Variants in RASA1 observed in about 807,000 individuals in gnomAD.
The protein encoded by RASA1 is RAS p21 protein activator 1.
RASA1 carries 25 observed loss-of-function variants against 132.2 expected under a neutral mutation model. The ratio of observed to expected loss-of-function variants is 0.19; its 90% confidence interval spans 0.14 to 0.26. The LOEUF (loss-of-function observed/expected upper bound fraction) is 0.26, where lower values mean the gene tolerates loss of function less well. Ranked by LOEUF, RASA1 falls within the 10% of genes least tolerant of loss-of-function variation. RASA1 has a pLI of 1.00. For synonymous variants in RASA1, 477 were observed against 449.9 expected (o/e 1.06, Z -0.76); for missense variants, 964 against 1,299.2 (o/e 0.74, Z 3.97).
At chr5:87,313,970 C>G (rs1756120555) in intron 1 of RASA1, among the ~76,000 whole-genome samples, 1 of 151,822 alleles carries the variant, frequency 6.6e-6, no homozygotes, top group South Asian at 2.1e-4. Flanking sequence ...GAGTTTGAGA[C>G]TACCCTGACC....
chr5:87,346,709 A>G lies in RASA1; in HGVS notation c.1087A>G (p.Asn363Asp). The G allele has an allele frequency of 4.5e-6, 7 of 1,551,666 alleles. No individual in the cohort carries two copies. In the South Asian group the frequency reaches 7.8e-5, roughly 17 times the overall value. ...HGKISKQEAY[N>D]LLMTVGQVCS... ...GAAGATTTCCAAACAGGAAGCTTAT[A>G]ATTTACTAATGACAGGTACTTACAT... The change falls in exon 7 of 25, where the codon AAT becomes GAT. Residue 363 changes from asparagine to aspartate, a missense_variant. Around this residue, in one of 6 missense-constraint regions of RASA1, gnomAD observed 154 missense variants for 286.5 expected, o/e 0.54. Transcript: ENST00000274376.
At position 87,286,827 on chromosome 5, in the gene RASA1, C is replaced by CAT. The variant is rs112394164; in HGVS notation, c.539+17847_539+17848dup. Among the ~76,000 whole-genome samples, 641 of 150,392 alleles carry CAT rather than the reference C, an allele frequency of 4.3e-3. 1 individual carries two copies. The highest frequency in any genetic ancestry group is 0.013 in the African/African-American group (530 of 40,886). ...ATAAACGTATACACACACACACTCA[C>CAT]ATATATATATACCATATATATATAC... On this transcript the variant is annotated intron_variant, in intron 1 of 24. Coordinates refer to ENST00000274376, the MANE Select transcript of RASA1 (RefSeq NM_002890.3).
chr5:87,357,704 CAAAA>C (rs5869396), intron 9 of RASA1, among the ~76,000 whole-genome samples: 2 of 149,894 alleles, frequency 1.3e-5, no homozygotes, highest in Admixed American at 1.3e-4. Context: ...GATTCCATCT[CAAAA>C]AAAAAGAAAA....
At chr5:87,280,344 G>C (rs529218564) in intron 1 of RASA1, among the ~76,000 whole-genome samples, 6 of 150,888 alleles carry the variant, frequency 4.0e-5, no homozygotes, top group Non-Finnish European at 8.9e-5. Flanking sequence ...ACAGTGTCTT[G>C]CTCTGTTGCC....
At chr5:87,372,843 C>T (rs544577649) in intron 13 of RASA1, among the ~76,000 whole-genome samples, 3 of 152,220 alleles carry the variant, frequency 2.0e-5, no homozygotes, top group Admixed American at 2.0e-4. Flanking sequence ...ACCAAAGTGT[C>T]TCCTGTTCTC....
At chr5:87,370,554 G>A (rs1475355558) in intron 12 of RASA1, among the ~76,000 whole-genome samples, 1 of 152,182 alleles carries the variant, frequency 6.6e-6, no homozygotes, top group East Asian at 1.9e-4. Context: ...CCCAGCCACT[G>A]GGTAGAATGA....
intron 9 of RASA1, among the ~76,000 whole-genome samples, chr5:87,355,351 C>A (rs1296897901): frequency 6.6e-6 from 1 of 152,124 alleles, no homozygotes; most frequent in Non-Finnish European, 1.5e-5. Context: ...TTCTGAAAAT[C>A]CTAGGAGCAT....
At chr5:87,285,417 G>T (rs746420368) in intron 1 of RASA1, among the ~76,000 whole-genome samples, 19 of 151,866 alleles carry the variant, frequency 1.3e-4, no homozygotes, top group Non-Finnish European at 2.2e-4. Flanking sequence ...TATCTTCCTA[G>T]TGCACAGGGC....
rs1761888219 is a variant in RASA1 at position 87,383,773 on chromosome 5, C to T, written c.2751C>T (p.Ile917=). 7 of 1,608,318 alleles carry T rather than the reference C, an allele frequency of 4.4e-6. No homozygotes were observed. Among genetic ancestry groups the T allele is most frequent in the Non-Finnish European group, 5.9e-6 (7 of 1,176,630 alleles). ...TCCTGAATCCACGGATGTTCAATAT[C>T]ATCTCAGGTAATCAGCTTTTGATAC... ...PAILNPRMFN[I]ISDSPSPIAA... is the part of the protein sequence containing the mutation. Residue 917 remains isoleucine, a synonymous_variant, in exon 21 of 25, where the codon ATC becomes ATT. Coordinates refer to ENST00000274376, the MANE Select transcript of RASA1 (RefSeq NM_002890.3).
In RASA1 at chr5:87,310,781, CAT is replaced by C. The variant is rs574406377; in HGVS notation, c.540-20566_540-20565del. Among the ~76,000 whole-genome samples the C allele has an allele frequency of 1.1e-4, 16 of 152,200 alleles. No homozygotes were observed. The East Asian group carries it at 3.1e-3, about 29-fold the overall frequency. ...TTATTTGCCATTTTCAGTTTCTTGACATTTGCACTATGGTACAAAGCAAAAAC... is the reference window on the plus strand; with the variant it reads ...TTATTTGCCATTTTCAGTTTCTTGACTTGCACTATGGTACAAAGCAAAAAC... On this transcript the variant is annotated intron_variant, in intron 1 of 24. Transcript: ENST00000274376.
chr5:87,345,506 A>C (rs1758797837), intron 6 of RASA1, among the ~76,000 whole-genome samples: 1 of 152,096 alleles, frequency 6.6e-6, no homozygotes, highest in African/African-American at 2.4e-5. Flanking sequence ...ATAGAACCTC[A>C]CTACTTGTAG....
intron 9 of RASA1, among the ~76,000 whole-genome samples, chr5:87,357,449 A>G (rs1002847933): frequency 1.3e-5 from 2 of 152,180 alleles, no homozygotes; most frequent in Non-Finnish European, 2.9e-5. Context: ...ATTAAATCAT[A>G]CATTTCCCCA....
intron 1 of RASA1, among the ~76,000 whole-genome samples, chr5:87,304,577 C>T (rs890133477): frequency 2.0e-5 from 3 of 151,958 alleles, no homozygotes; most frequent in South Asian, 2.1e-4. Flanking sequence ...ATGCAGTTCT[C>T]CTGCCTCAGC....
intron 1 of RASA1, among the ~76,000 whole-genome samples, chr5:87,301,372 A>G (rs190168293): frequency 1.4e-4 from 22 of 152,246 alleles, no homozygotes; most frequent in Admixed American, 5.2e-4. Context: ...CATATAAAGC[A>G]TAGTATCTTC....
chr5:87,376,546 A>AAT lies in RASA1; in HGVS notation c.2165_2166insAT (p.Tyr723CysfsTer16). On this transcript the variant is annotated frameshift_variant, in exon 16 of 25. Transcript: ENST00000274376. LOFTEE classifies it high-confidence loss of function. The stretch of plus-strand genomic sequence containing the variant: ...ATGGAAAAAATCATGCCAGAAGAAG[A>AAT]GTACAGTGAATTTAAAGAGGTATTA... 1 of 1,613,986 alleles carries AAT rather than the reference A, an allele frequency of 6.2e-7. No homozygotes were observed. The highest frequency in any genetic ancestry group is 8.5e-7 in the Non-Finnish European group (1 of 1,179,888).
intron 1 of RASA1, among the ~76,000 whole-genome samples, chr5:87,326,764 T>C (rs951766874): frequency 2.6e-5 from 4 of 152,192 alleles, no homozygotes; most frequent in Admixed American, 2.6e-4. Context: ...ATAGAATTTC[T>C]AGTTTATTAA....
At chr5:87,292,060 G>C (rs747613520) in intron 1 of RASA1, among the ~76,000 whole-genome samples, 11 of 152,140 alleles carry the variant, frequency 7.2e-5, no homozygotes, top group Non-Finnish European at 1.3e-4. Flanking sequence ...GTATATTTTT[G>C]GATAACAGTC....
chr5:87,329,866 C>T (rs770130402), intron 1 of RASA1, among the ~76,000 whole-genome samples: 3 of 152,018 alleles, frequency 2.0e-5, no homozygotes, highest in Middle Eastern at 3.2e-3. Flanking sequence ...TCTCTTATGT[C>T]GTTAAATTAT....
At chr5:87,333,246 T>C in intron 3 of RASA1, 21 bp from the exon 4 acceptor site, 2 of 1,581,552 alleles carry the variant, frequency 1.3e-6, no homozygotes, top group South Asian at 1.1e-5. Context: ...TTTTAAATCT[T>C]TTTTTTTTTA....
Sources: gnomAD v4.1 joint callset for allele counts (sites outside exome capture counted in the v4.1 genomes callset) on GRCh38, gnomAD v4.1.1 for gene constraint, gnomAD v4.1.1 regional missense constraint, MANE v1.5 for transcripts, NCBI Gene and HGNC (gene_info 2026-07-23, HGNC 2026-07-21) for gene names.